WDR26: variants seen among roughly 807,000 people sequenced by gnomAD.
WDR26 encodes WD repeat domain 26.
In WDR26, 5 loss-of-function variants were observed where a neutral mutation model predicts 84.1. The ratio of observed to expected loss-of-function variants is 0.06; its 90% CI spans 0.03 to 0.13. The LOEUF (loss-of-function observed/expected upper bound fraction) is 0.13, where lower values mean the gene tolerates loss of function less well. Ranked by LOEUF, WDR26 falls within the 10% of genes least tolerant of loss-of-function variation. The pLI, the probability that WDR26 is intolerant of heterozygous loss-of-function variation, is 1.00. For synonymous variants in WDR26, 415 were observed against 389.6 expected (o/e 1.07, Z -0.77); for missense variants, 642 against 974.9 (o/e 0.66, Z 4.55).
Position 224,399,168 on chromosome 1 carries a change from A to T in WDR26, c.1720-134T>A, listed in dbSNP as rs115415478. ...TTTTCCTGAGACTGATCTCAACCTA[A>T]TTGTTCTAGAAGTGTTTTTAACCAT... is the stretch of plus-strand genomic sequence containing the variant. On this transcript the variant is annotated intron_variant, in intron 9 of 13. Transcript: ENST00000414423. 1,312 of 719,260 alleles carry T rather than the reference A, an allele frequency of 1.8e-3. 11 individuals carry two copies. The African/African-American group carries it at 0.022, about 12-fold the overall frequency. The allele number at this position is 719,260 out of a possible 1,614,324, so 44.6% of individuals were successfully genotyped here.
At chr1:224,411,252 T>C (rs1673728073) in intron 7 of WDR26, among the ~76,000 whole-genome samples, 175 bp downstream of exon 7, 1 of 152,218 alleles carries the variant, frequency 6.6e-6, no homozygotes, top group African/African-American at 2.4e-5. Context: ...TCAACAATGT[T>C]GATAATATTA....
rs1673355277 is a variant in WDR26, at chr1:224,399,647, G to A, written c.1720-613C>T. On this transcript the variant is annotated intron_variant, in intron 9 of 13. Transcript: ENST00000414423. ...AACACAGTATAGGACAGCAAACTCA[G>A]CAGAAACATACATGATCATCTTGCA... is the stretch of plus-strand genomic sequence containing the variant. 7.9e-5 allele frequency among the ~76,000 whole-genome samples: 12 copies of A among 152,268 alleles called. No individual in the cohort carries two copies. The South Asian group carries it at 2.5e-3, about 32-fold the overall frequency.
chr1:224,402,055 G>C (rs1332397965), intron 8 of WDR26: 1 of 152,190 alleles, frequency 6.6e-6, no homozygotes, highest in Non-Finnish European at 1.5e-5. Context: ...AACAGGATCT[G>C]AGAGATAATA....
At chr1:224,400,704 C>G (rs1190417939) in intron 9 of WDR26, among the ~76,000 whole-genome samples, 1 of 152,220 alleles carries the variant, frequency 6.6e-6, no homozygotes, top group East Asian at 1.9e-4. Flanking sequence ...CACCACCATG[C>G]CCAGCTAATT....
intron 7 of WDR26, among the ~76,000 whole-genome samples, chr1:224,407,136 A>AT (rs1572178211): frequency 3.7e-5 from 2 of 54,504 alleles, no homozygotes; most frequent in East Asian, 6.6e-4. Context: ...AAAAAAAAAA[A>AT]AAAAAAAAAA....
intron 5 of WDR26, among the ~76,000 whole-genome samples, chr1:224,418,719 AAAG>A (rs1444385601): frequency 6.6e-6 from 1 of 152,246 alleles, no homozygotes; most frequent in Non-Finnish European, 1.5e-5. Context: ...ACAACAATGA[AAAG>A]AATATTAGAT....
rs1005729952 is a variant in WDR26 at position 224,388,743 on chromosome 1, T to C, written c.*1092A>G. The stretch of plus-strand genomic sequence containing the variant: ...TGAATTCTTCTAATAATTTCAATTA[T>C]ACTATAAACTTCCAAAGTGGTTGTA... On this transcript the variant is annotated 3_prime_UTR_variant, in exon 14 of 14. Transcript: ENST00000414423. 6.5e-6 allele frequency: 1 copy of C among 152,678 alleles called. No homozygotes were observed. Among genetic ancestry groups the C allele is most frequent in the African/African-American group, 2.4e-5 (1 of 41,462 alleles). The allele number at this position is 152,678 out of a possible 1,614,324, so 9.5% of individuals were successfully genotyped here. A position where few individuals can be genotyped will look rare whatever the true frequency, so the allele number is the denominator to read the frequency against.
chr1:224,399,095 G>C, intron 9 of WDR26, 61 bp from the exon 10 acceptor site: 2 of 1,384,622 alleles, frequency 1.4e-6, no homozygotes, highest in Non-Finnish European at 1.9e-6. Context: ...AGCAAATAAA[G>C]AACCAAAAGA....
intron 12 of WDR26, among the ~76,000 whole-genome samples, chr1:224,396,496 T>C (rs1673264615): frequency 6.6e-6 from 1 of 152,186 alleles, no homozygotes; most frequent in Non-Finnish European, 1.5e-5. Context: ...TCTCCCGCGA[T>C]ATATTAAAAA....
At chr1:224,419,815 T>A (rs1674008207) in intron 4 of WDR26, among the ~76,000 whole-genome samples, 200 bp from the exon 5 acceptor site, 1 of 152,146 alleles carries the variant, frequency 6.6e-6, no homozygotes, top group East Asian at 1.9e-4. Flanking sequence ...ATATATATAT[T>A]ACCTATTAAC....
chr1:224,407,512 T>A (rs984336296), intron 7 of WDR26, among the ~76,000 whole-genome samples: 7 of 140,118 alleles, frequency 5.0e-5, no homozygotes, highest in Non-Finnish European at 1.1e-4. Context: ...CATATATAAA[T>A]TTTTTTTTTT....
chr1:224,418,152 A>T, intron 6 of WDR26, 108 bp downstream of exon 6: 1 of 876,498 alleles, frequency 1.1e-6, no homozygotes, highest in Non-Finnish European at 1.6e-6. Flanking sequence ...AACAAATGCT[A>T]AATCAGACAT....
At chr1:224,394,737 C>T (rs1254636843) in intron 12 of WDR26, among the ~76,000 whole-genome samples, 1 of 152,082 alleles carries the variant, frequency 6.6e-6, no homozygotes, top group Non-Finnish European at 1.5e-5. Flanking sequence ...CCTCGTGATC[C>T]GCCCATCTCA....
At chr1:224,393,747 C>T in intron 13 of WDR26, 81 bp downstream of exon 13, 2 of 1,241,486 alleles carry the variant, frequency 1.6e-6, no homozygotes, top group South Asian at 4.5e-5. Flanking sequence ...AATAAACTTG[C>T]TTAAAACTGC....
At chr1:224,397,629 C>T (rs943471043) in intron 12 of WDR26, 3 of 152,638 alleles carry the variant, frequency 2.0e-5, no homozygotes, top group African/African-American at 7.2e-5. Flanking sequence ...CTGGTGACCG[C>T]TGAAGAAATA....
At chr1:224,432,340 T>C (rs1674415963) in intron 1 of WDR26, among the ~76,000 whole-genome samples, 2 of 152,194 alleles carry the variant, frequency 1.3e-5, no homozygotes, top group Admixed American at 6.5e-5. Flanking sequence ...CACGAGTTAT[T>C]TCCTCCTGCT....
intron 7 of WDR26, among the ~76,000 whole-genome samples, chr1:224,410,945 G>A (rs998464881): frequency 1.3e-5 from 2 of 152,138 alleles, no homozygotes; most frequent in East Asian, 3.9e-4. Context: ...TCCTGCCTCG[G>A]CTTCCCAAAG....
At chr1:224,420,090 T>C (rs1301737757) in intron 4 of WDR26, among the ~76,000 whole-genome samples, 3 of 152,192 alleles carry the variant, frequency 2.0e-5, no homozygotes, top group South Asian at 4.1e-4. Context: ...TACTTCTGAA[T>C]AGTAAAATAA....
At chr1:224,392,980 C>T (rs1160530159) in intron 13 of WDR26, among the ~76,000 whole-genome samples, 1 of 151,950 alleles carries the variant, frequency 6.6e-6, no homozygotes, top group Non-Finnish European at 1.5e-5. Flanking sequence ...TCTAAGCAAA[C>T]CAAACATTTT....
Sources: allele counts gnomAD v4.1 joint callset (sites outside exome capture counted in the v4.1 genomes callset), GRCh38; gene constraint gnomAD v4.1.1; transcripts MANE v1.5; gene names NCBI Gene and HGNC (gene_info 2026-07-23, HGNC 2026-07-21).